FCER2: variants seen among roughly 807,000 people sequenced by gnomAD.
The protein encoded by FCER2 is Fc epsilon receptor II.
FCER2 carries 38 observed loss-of-function variants against 49.7 expected under a neutral mutation model. That is an observed-to-expected ratio of 0.76 (90% confidence interval 0.59 to 1.00). FCER2 has a LOEUF of 1.00. Among genes scored for constraint, FCER2 ranks in the 50% least tolerant of loss-of-function variants. FCER2 has a pLI of 0.00. For missense variants in FCER2, 425 were observed against 419.5 expected (o/e 1.01, Z -0.11); for synonymous variants, 163 against 164.6 (o/e 0.99, Z 0.07).
intron 3 of FCER2, 67 bp downstream of exon 3, chr19:7,698,674 G>T (rs1599441853): frequency 6.4e-7 from 1 of 1,569,656 alleles, no homozygotes. Context: ...TGAGATGGGG[G>T]TGAAGGAGGG....
At position 7,690,513 on chromosome 19, in the gene FCER2, G is replaced by A. The variant is rs145289159; in HGVS notation, c.514C>T (p.Arg172Trp). 41 of 1,613,988 alleles carry A rather than the reference G, an allele frequency of 2.5e-5. No individual in the cohort carries two copies. The highest frequency in any genetic ancestry group is 1.6e-4 in the Middle Eastern group (1 of 6,082). ...CCCTTGCCGAAGTAGTAGCACTTCC[G>A]TTGGAAATTGATCCACTTTTCAGGG... ...TCPEKWINFQRKCYYFGKGTK... is the reference protein window; with the variant it reads ...TCPEKWINFQWKCYYFGKGTK... Residue 172 changes from arginine to tryptophan, a missense_variant, in exon 9 of 11, where the codon CGG becomes TGG. Transcript: ENST00000597921.
At chr19:7,697,706 T>G in intron 4 of FCER2, 117 bp from the exon 5 acceptor site, 1 of 787,484 alleles carries the variant, frequency 1.3e-6, no homozygotes, top group Admixed American at 2.2e-5. Flanking sequence ...CTGTTGCTGT[T>G]TGTTCATTTA....
chr19:7,694,912 G>A (rs1210885537), intron 8 of FCER2, among the ~76,000 whole-genome samples: 2 of 151,942 alleles, frequency 1.3e-5, no homozygotes, highest in African/African-American at 4.8e-5. Flanking sequence ...CTAGCTCACC[G>A]CAGCCTCAAA....
rs1262843438 is a variant in FCER2, at chr19:7,697,566, C to G, written c.214G>C (p.Glu72Gln). Residue 72 changes from glutamate (E) to glutamine (Q), a missense_variant, in exon 5 of 11, where the codon GAA becomes CAA. By Grantham distance (29) the Glu-to-Gln change is conservative. Transcript: ENST00000597921. ...RNVSQVSKNL[E>Q]SHHGDQMAQK... is the part of the protein sequence containing the mutation. ...GCCATCTGGTCACCGTGGTGGCTTT[C>G]CAAGTTCTTGGAAACTTGAGAGACT... 3 of 1,614,102 alleles carry G rather than the reference C, an allele frequency of 1.9e-6. No individual in the cohort carries two copies. Among genetic ancestry groups the G allele is most frequent in the Non-Finnish European group, 2.5e-6 (3 of 1,180,004 alleles).
intron 8 of FCER2, among the ~76,000 whole-genome samples, chr19:7,691,193 G>A (rs1290011404): frequency 6.6e-6 from 1 of 152,024 alleles, no homozygotes; most frequent in Non-Finnish European, 1.5e-5. Flanking sequence ...TCAACACCAT[G>A]ACCAGAAATG....
chr19:7,699,294 TCCAGACCTCCAAACCTCTC>T, intron 2 of FCER2: 1 of 800,390 alleles, frequency 1.2e-6, no homozygotes, highest in Admixed American at 2.6e-5. Context: ...TCATCCAACA[TCCAGACCTCCAAACCTCTC>T]CCAGACCCCA....
At chr19:7,699,916 G>T in intron 1 of FCER2, 71 bp from the exon 2 acceptor site, 1 of 720,636 alleles carries the variant, frequency 1.4e-6, no homozygotes, top group Non-Finnish European at 2.4e-6. Context: ...TAGCATCTGG[G>T]ACTTGGTGGC....
chr19:7,698,133 T>C (rs1381039683), intron 4 of FCER2, among the ~76,000 whole-genome samples: 1 of 152,226 alleles, frequency 6.6e-6, no homozygotes, highest in Admixed American at 6.5e-5. Context: ...TACTTTGCGC[T>C]TATGGGGACA....
At chr19:7,692,549 C>T (rs2032910099) in intron 8 of FCER2, among the ~76,000 whole-genome samples, 1 of 152,188 alleles carries the variant, frequency 6.6e-6, no homozygotes, top group African/African-American at 2.4e-5. Flanking sequence ...GCACCATGAA[C>T]ACATTCATGC....
Position 7,690,521 on chromosome 19 carries a change from T to C in FCER2, c.506A>G (p.Asn169Ser), listed in dbSNP as rs199705823. 149 of 1,614,076 alleles carry C rather than the reference T, an allele frequency of 9.2e-5. 1 individual carries two copies. In the East Asian group the frequency reaches 2.0e-3, roughly 21 times the overall value. Residue 169 changes from asparagine to serine, a missense_variant, in exon 9 of 11, where the codon AAT (asparagine) becomes AGT (serine). Asn to Ser is a conservative substitution (Grantham distance 46). Coordinates refer to ENST00000597921, the MANE Select transcript of FCER2 (RefSeq NM_001220500.2). The part of the protein sequence containing the change: ...VCNTCPEKWI[N>S]FQRKCYYFGK... ...GAAGTAGTAGCACTTCCGTTGGAAA[T>C]TGATCCACTTTTCAGGGCACGTGTT...
chr19:7,692,843 G>A (rs1031774292), intron 8 of FCER2, among the ~76,000 whole-genome samples: 2 of 151,498 alleles, frequency 1.3e-5, no homozygotes, highest in East Asian at 1.9e-4. Flanking sequence ...GCACGTCAGC[G>A]GCCATCACTG....
intron 8 of FCER2, among the ~76,000 whole-genome samples, chr19:7,694,959 G>A (rs560375178): frequency 4.1e-4 from 62 of 152,130 alleles, no homozygotes; most frequent in African/African-American, 1.4e-3. Flanking sequence ...CTCAGCCTCC[G>A]GAGTAGATGA....
intron 10 of FCER2, among the ~76,000 whole-genome samples, chr19:7,689,673 T>C (rs755327581): frequency 1.6e-4 from 25 of 152,158 alleles, no homozygotes; most frequent in Admixed American, 4.6e-4. Context: ...CAGGCTGGAG[T>C]GCAGTGCGCG....
chr19:7,692,685 C>T (rs1332212236), intron 8 of FCER2, among the ~76,000 whole-genome samples: 1 of 149,002 alleles, frequency 6.7e-6, no homozygotes, highest in African/African-American at 2.6e-5. Flanking sequence ...CCAATGTCAC[C>T]ACAAACACCT....
intron 9 of FCER2, 57 bp from the exon 10 acceptor site, chr19:7,690,322 C>A (rs1343268573): frequency 1.9e-6 from 3 of 1,608,672 alleles, no homozygotes; most frequent in Non-Finnish European, 2.6e-6. Context: ...CCTTCCAGCC[C>A]ACTTCGAGAG....
chr19:7,699,477 G>GT (rs55828544), intron 2 of FCER2: 20,441 of 1,254,014 alleles, frequency 0.016, no homozygotes, highest in African/African-American at 0.025. Context: ...AGCTGAAGCC[G>GT]TTTTTTTTTT....
At chr19:7,697,732 T>G in intron 4 of FCER2, 143 bp from the exon 5 acceptor site, 1 of 682,484 alleles carries the variant, frequency 1.5e-6, no homozygotes, top group Non-Finnish European at 2.6e-6. Flanking sequence ...GCAGGAGGAG[T>G]GTACTCAGGA....
At chr19:7,695,554 T>C (rs1442859233) in intron 8 of FCER2, among the ~76,000 whole-genome samples, 1 of 152,142 alleles carries the variant, frequency 6.6e-6, no homozygotes, top group Non-Finnish European at 1.5e-5. Flanking sequence ...GGCGAGAGGA[T>C]TGCTGGAGCC....
chr19:7,691,806 A>G (rs527291189), intron 8 of FCER2, among the ~76,000 whole-genome samples: 1 of 151,562 alleles, frequency 6.6e-6, no homozygotes, highest in South Asian at 2.1e-4. Context: ...CACCTCAGTC[A>G]CCAACACCAT....
Sources: allele counts gnomAD v4.1 joint callset (sites outside exome capture counted in the v4.1 genomes callset), GRCh38; gene constraint gnomAD v4.1.1; transcripts MANE v1.5; gene names NCBI Gene and HGNC (gene_info 2026-07-23, HGNC 2026-07-21).